MALRD1: variants seen among roughly 807,000 people sequenced by gnomAD.
MALRD1 encodes the protein MAM and LDL-receptor class A domain-containing protein 1.
In MALRD1, 247 loss-of-function variants were observed where a neutral mutation model predicts 242.1. That is an observed-to-expected ratio of 1.02 (90% CI 0.92 to 1.13). MALRD1 has a LOEUF of 1.13. Among genes scored for constraint, MALRD1 ranks in the 50% most tolerant of loss-of-function variants. MALRD1 has a pLI of 0.00. For missense variants in MALRD1, 2,989 were observed against 2,533.1 expected (o/e 1.18, Z -3.86); for synonymous variants, 995 against 866.6 (o/e 1.15, Z -2.60).
chr10:19,392,132 C>T (rs1443767272), intron 28 of MALRD1, among the ~76,000 whole-genome samples: 1 of 152,152 alleles, frequency 6.6e-6, no homozygotes, highest in Non-Finnish European at 1.5e-5. Context: ...AACAATGCAT[C>T]CATAAATATG....
chr10:19,646,473 C>T (rs963488559), intron 36 of MALRD1, among the ~76,000 whole-genome samples: 1 of 152,122 alleles, frequency 6.6e-6, no homozygotes, highest in Non-Finnish European at 1.5e-5. Flanking sequence ...GGTGTAGTGG[C>T]ACGCACATGT....
At chr10:19,137,976 A>G (rs1217379005) in intron 10 of MALRD1, among the ~76,000 whole-genome samples, 1 of 152,236 alleles carries the variant, frequency 6.6e-6, no homozygotes, top group Non-Finnish European at 1.5e-5. Context: ...TTTGTTGAGC[A>G]GAGGTGAAAA....
chr10:19,378,291 A>C (rs573620147), intron 26 of MALRD1, among the ~76,000 whole-genome samples: 2 of 152,286 alleles, frequency 1.3e-5, no homozygotes, highest in African/African-American at 4.8e-5. Context: ...GTAATTTATC[A>C]CATGCACTTG....
intron 10 of MALRD1, among the ~76,000 whole-genome samples, chr10:19,138,305 T>A (rs944375437): frequency 3.3e-5 from 5 of 152,196 alleles, no homozygotes; most frequent in African/African-American, 7.2e-5. Context: ...TTTATTTAAA[T>A]TTTTTACAGA....
chr10:19,321,447 G>T (rs1202777332), intron 21 of MALRD1, among the ~76,000 whole-genome samples: 1 of 152,002 alleles, frequency 6.6e-6, no homozygotes, highest in Non-Finnish European at 1.5e-5. Context: ...GTAGAGATTT[G>T]TAAGCCATAT....
chr10:19,179,854 A>G (rs905930098), intron 14 of MALRD1, among the ~76,000 whole-genome samples: 4 of 152,112 alleles, frequency 2.6e-5, no homozygotes, highest in African/African-American at 9.7e-5. Context: ...GCCTAGTTCT[A>G]TATATTTTTC....
rs555587484 is a variant in MALRD1 at position 19,601,049 on chromosome 10, T to G, written c.5944+5592T>G. Among the ~76,000 whole-genome samples, 328 of 152,102 alleles carry G rather than the reference T, an allele frequency of 2.2e-3. 2 individuals are homozygous for G. The highest frequency in any genetic ancestry group is 3.9e-3 in the South Asian group (19 of 4,818). The stretch of plus-strand genomic sequence containing the variant: ...TGCTCCACCATGTCTGGCTAATTTT[T>G]TAAAACAAAATTTGTAGAGGTAGGG... On this transcript the variant is annotated intron_variant, in intron 34 of 39. Transcript: ENST00000454679.
At chr10:19,655,550 A>G (rs1841111579) in intron 36 of MALRD1, among the ~76,000 whole-genome samples, 1 of 142,776 alleles carries the variant, frequency 7.0e-6, no homozygotes, top group South Asian at 2.2e-4. Context: ...ATATATATAT[A>G]TATATATATA....
chr10:19,228,222 A>G (rs141861588), intron 18 of MALRD1, among the ~76,000 whole-genome samples: 22 of 152,316 alleles, frequency 1.4e-4, no homozygotes, highest in Non-Finnish European at 1.0e-4. Context: ...AACAATAAAA[A>G]GGAGCAAACT....
At chr10:19,404,267 A>G (rs989872960) in intron 28 of MALRD1, among the ~76,000 whole-genome samples, 1 of 151,946 alleles carries the variant, frequency 6.6e-6, no homozygotes, top group Non-Finnish European at 1.5e-5. Context: ...TTTTATTATT[A>G]CTTTATCCAT....
intron 21 of MALRD1, among the ~76,000 whole-genome samples, chr10:19,318,982 C>T (rs935674384): frequency 6.8e-6 from 1 of 146,006 alleles, no homozygotes; most frequent in Admixed American, 6.7e-5. Context: ...CATACACACA[C>T]ACACACACAC....
At chr10:19,564,477 TG>T (rs1231568128) in intron 32 of MALRD1, among the ~76,000 whole-genome samples, 2 of 152,054 alleles carry the variant, frequency 1.3e-5, no homozygotes, top group Non-Finnish European at 2.9e-5. Context: ...TTAATATTTT[TG>T]TATATTCTTG....
chr10:19,572,817 G>A (rs941583631), intron 33 of MALRD1, among the ~76,000 whole-genome samples: 6 of 152,164 alleles, frequency 3.9e-5, no homozygotes, highest in Admixed American at 2.0e-4. Context: ...TACAAGCCAG[G>A]GAATGCCCAA....
chr10:19,718,221 A>AAGCAAC (rs1834505521), intron 38 of MALRD1, among the ~76,000 whole-genome samples: 1 of 151,732 alleles, frequency 6.6e-6, no homozygotes, highest in African/African-American at 2.4e-5. Context: ...GAAGAAGAAG[A>AAGCAAC]AGCAACAGCA....
intron 32 of MALRD1, among the ~76,000 whole-genome samples, chr10:19,557,750 A>T (rs1207751662): frequency 6.6e-6 from 1 of 152,098 alleles, no homozygotes; most frequent in Non-Finnish European, 1.5e-5. Flanking sequence ...TGTGTTGGTT[A>T]TTCGGAGTCT....
chr10:19,675,940 G>A (rs1026538036), intron 36 of MALRD1, among the ~76,000 whole-genome samples: 2 of 152,204 alleles, frequency 1.3e-5, no homozygotes, highest in Non-Finnish European at 2.9e-5. Context: ...CAGGTACAAA[G>A]AAAGGCTTCC....
rs569994051 is a variant in MALRD1 at position 19,276,310 on chromosome 10, A to T, written c.3080-3737A>T. The stretch of plus-strand genomic sequence containing the variant: ...ATGCATTTTAATTATATATATATAT[A>T]TTTTCAGTAAAATTATGTAAGTAAA... On this transcript the variant is annotated intron_variant, in intron 19 of 39. Transcript: ENST00000454679. 1.8e-4 allele frequency among the ~76,000 whole-genome samples: 25 copies of T among 140,424 alleles called. No homozygotes were observed. In the East Asian group the frequency reaches 2.0e-3, roughly 11 times the overall value. 92.1% of individuals were successfully genotyped at this position (140,424 alleles called of 152,430 possible).
At chr10:19,100,560 G>A (rs776449147) in intron 4 of MALRD1, among the ~76,000 whole-genome samples, 12 of 150,136 alleles carry the variant, frequency 8.0e-5, no homozygotes, top group Non-Finnish European at 1.5e-4. Context: ...GGTCATTTTG[G>A]AGTTTTGAGC....
rs773312348 is a variant in MALRD1 at position 19,204,287 on chromosome 10, T to G, written c.2105-21T>G. 1.9e-3 allele frequency: 2,399 copies of G among 1,277,522 alleles called. 1 individual carries two copies. Among genetic ancestry groups the G allele is most frequent in the Non-Finnish European group, 2.2e-3 (2,076 of 944,116 alleles). The allele number at this position is 1,277,522 out of a possible 1,614,324, so 79.1% of individuals were successfully genotyped here. Reference sequence around the variant, plus strand: ...TCCAATAGGTTAATGAAGCGTTTTTTTTTTTTTTTTATCTCAACAGGGCAT... The same window carrying G: ...TCCAATAGGTTAATGAAGCGTTTTTGTTTTTTTTTTATCTCAACAGGGCAT... On this transcript the variant is annotated intron_variant, in intron 15 of 39. Coordinates refer to ENST00000454679, the MANE Select transcript of MALRD1 (RefSeq NM_001142308.3).
Sources: gnomAD v4.1 joint callset for allele counts (sites outside exome capture counted in the v4.1 genomes callset) on GRCh38, gnomAD v4.1.1 for gene constraint, MANE v1.5 for transcripts, NCBI Gene and HGNC (gene_info 2026-07-23, HGNC 2026-07-21) for gene names.